The following CDH13 variants were observed in gnomAD, a reference collection of about 807,000 sequenced individuals.
The protein encoded by CDH13 is cadherin 13.
Under a neutral mutation model 63.8 loss-of-function variants are expected in CDH13, and 24 were observed. The observed-to-expected ratio is 0.38, with a 90% CI of 0.27 to 0.53. The LOEUF is 0.53. Among genes scored for constraint, CDH13 ranks in the 20% least tolerant of loss-of-function variants. The pLI is 0.85. For missense variants in CDH13, 1,049 were observed against 903.1 expected (o/e 1.16, Z -2.07); for synonymous variants, 503 against 355.3 (o/e 1.42, Z -4.67).
At chr16:82,781,621 C>T (rs562924960) in intron 1 of CDH13, among the ~76,000 whole-genome samples, 1 of 152,260 alleles carries the variant, frequency 6.6e-6, no homozygotes, top group East Asian at 1.9e-4. Flanking sequence ...TCCATCTACC[C>T]ATCCATTCAG....
intron 1 of CDH13, among the ~76,000 whole-genome samples, chr16:82,836,940 C>T (rs1358122941): frequency 6.6e-6 from 1 of 152,182 alleles, no homozygotes; most frequent in Non-Finnish European, 1.5e-5. Flanking sequence ...AATCTTATTG[C>T]CAAATCTTAA....
chr16:83,570,054 C>T (rs534301343), intron 7 of CDH13, among the ~76,000 whole-genome samples: 69 of 152,222 alleles, frequency 4.5e-4, no homozygotes, highest in African/African-American at 1.7e-3. Flanking sequence ...TGGTTTTAAA[C>T]TGATCATCAT....
At chr16:83,062,405 G>T (rs2031641766) in intron 3 of CDH13, among the ~76,000 whole-genome samples, 1 of 152,112 alleles carries the variant, frequency 6.6e-6, no homozygotes, top group African/African-American at 2.4e-5. Flanking sequence ...TTAGCTTAGT[G>T]CCTGACACGT....
chr16:83,474,762 C>T (rs1262488393), intron 6 of CDH13, among the ~76,000 whole-genome samples: 2 of 152,200 alleles, frequency 1.3e-5, no homozygotes, highest in African/African-American at 4.8e-5. Context: ...TCTCCCAGAA[C>T]AGGGAACCCA....
chr16:83,451,176 C>T (rs183486193), intron 6 of CDH13, among the ~76,000 whole-genome samples: 1 of 152,298 alleles, frequency 6.6e-6, no homozygotes, highest in Admixed American at 6.5e-5. Context: ...CTAATAAAGA[C>T]ATACCTGAGA....
intron 10 of CDH13, among the ~76,000 whole-genome samples, chr16:83,691,658 C>T (rs1020155209): frequency 5.3e-5 from 8 of 151,980 alleles, no homozygotes; most frequent in East Asian, 1.9e-4. Flanking sequence ...CTTGGCAGCC[C>T]GACCGCAAAT....
chr16:82,870,460 G>C (rs1429682379), intron 2 of CDH13, among the ~76,000 whole-genome samples: 1 of 152,136 alleles, frequency 6.6e-6, no homozygotes, highest in Non-Finnish European at 1.5e-5. Flanking sequence ...CAGTCCCACT[G>C]CTGGATATAT....
At chr16:82,930,628 G>T (rs1020812630) in intron 2 of CDH13, among the ~76,000 whole-genome samples, 2 of 152,006 alleles carry the variant, frequency 1.3e-5, no homozygotes, top group African/African-American at 4.8e-5. Flanking sequence ...TTGCAGTCGA[G>T]GTTTGTAATT....
chr16:82,927,872 G>C (rs944406317), intron 2 of CDH13, among the ~76,000 whole-genome samples: 3 of 152,178 alleles, frequency 2.0e-5, no homozygotes, highest in African/African-American at 4.8e-5. Flanking sequence ...TGAGAGAATT[G>C]GTTGGTACTT....
chr16:83,382,942 C>T (rs975246499), intron 6 of CDH13: 27 of 152,210 alleles, frequency 1.8e-4, no homozygotes, highest in African/African-American at 5.5e-4. Flanking sequence ...TGATGCCAGA[C>T]ACCGTGCAGT....
intron 7 of CDH13, among the ~76,000 whole-genome samples, chr16:83,583,932 T>C (rs886962684): frequency 1.3e-5 from 2 of 151,502 alleles, no homozygotes; most frequent in African/African-American, 4.9e-5. Context: ...AATAAATAAA[T>C]AAACAAAAAT....
chr16:83,194,740 C>T (rs2038825076), intron 4 of CDH13, among the ~76,000 whole-genome samples: 1 of 152,176 alleles, frequency 6.6e-6, no homozygotes, highest in Admixed American at 6.5e-5. Flanking sequence ...ATTGATTTTA[C>T]TTACCTGACT....
intron 11 of CDH13, among the ~76,000 whole-genome samples, chr16:83,763,859 A>G (rs1305451911): frequency 6.6e-6 from 1 of 152,178 alleles, no homozygotes; most frequent in Non-Finnish European, 1.5e-5. Flanking sequence ...GTGAGGTGTG[A>G]TCAGAGCCAT....
At chr16:83,614,074 C>A (rs187389258) in intron 8 of CDH13, among the ~76,000 whole-genome samples, 2 of 152,062 alleles carry the variant, frequency 1.3e-5, no homozygotes, top group Non-Finnish European at 2.9e-5. Context: ...TGGTTATAGT[C>A]GCCTGGCATA....
rs55664829 is a variant in CDH13 at position 83,580,448 on chromosome 16, T to TTCTCTCTC, written c.961-21954_961-21947dup. ...GCACCCAGTTTTCATTTCTGTTCAT[T>TTCTCTCTC]TCTCTCTCTCTCTCTCTCTCTCTCT... On this transcript the variant is annotated intron_variant, in intron 7 of 13. Transcript: ENST00000567109. 1.7e-3 allele frequency among the ~76,000 whole-genome samples: 133 copies of TTCTCTCTC among 76,400 alleles called. 8 individuals carry two copies. The highest frequency in any genetic ancestry group is 6.8e-3 in the East Asian group (11 of 1,612). The allele number at this position is 76,400 out of a possible 152,430, so 50.1% of individuals were successfully genotyped here. A position where few individuals can be genotyped will look rare whatever the true frequency, so the allele number is the denominator to read the frequency against.
At chr16:83,666,218 G>A (rs1167693508) in intron 8 of CDH13, among the ~76,000 whole-genome samples, 2 of 152,118 alleles carry the variant, frequency 1.3e-5, no homozygotes, top group East Asian at 3.8e-4. Flanking sequence ...CTATAGAAAT[G>A]TAAAATGGTA....
At chr16:82,728,320 T>A (rs989813901) in intron 1 of CDH13, among the ~76,000 whole-genome samples, 2 of 152,156 alleles carry the variant, frequency 1.3e-5, no homozygotes, top group African/African-American at 4.8e-5. Flanking sequence ...TTTACCCTTA[T>A]GGGCTTGTTC....
chr16:83,560,293 A>G (rs568854611), intron 7 of CDH13, among the ~76,000 whole-genome samples: 2 of 152,362 alleles, frequency 1.3e-5, no homozygotes, highest in South Asian at 4.1e-4. Flanking sequence ...AATGCTACAA[A>G]GATAAAAGTT....
chr16:83,465,003 C>A (rs2073273358), intron 6 of CDH13, among the ~76,000 whole-genome samples: 1 of 152,180 alleles, frequency 6.6e-6, no homozygotes, highest in African/African-American at 2.4e-5. Flanking sequence ...TTTCTCATTT[C>A]AGAACCATTG....
Sources: gnomAD v4.1 joint callset for allele counts (sites outside exome capture counted in the v4.1 genomes callset) on GRCh38, gnomAD v4.1.1 for gene constraint, MANE v1.5 for transcripts, NCBI Gene and HGNC (gene_info 2026-07-23, HGNC 2026-07-21) for gene names.